The following SNX24 variants were observed in gnomAD, a reference collection of about 807,000 sequenced individuals.
The protein encoded by SNX24 is sorting nexin 24.
SNX24 carries 22 observed loss-of-function variants against 28.7 expected under a neutral mutation model. The observed-to-expected ratio is 0.77, with a 90% CI of 0.55 to 1.10. The LOEUF is 1.10. SNX24 is among the 50% of genes least tolerant of loss of function. The pLI is 0.00. For synonymous variants in SNX24, 69 were observed against 71.5 expected (o/e 0.96, Z 0.18); for missense variants, 221 against 201.1 (o/e 1.10, Z -0.60).
chr5:122,987,628 G>A (rs1293787356), intron 3 of SNX24, among the ~76,000 whole-genome samples: 1 of 152,190 alleles, frequency 6.6e-6, no homozygotes, highest in African/African-American at 2.4e-5. Flanking sequence ...GGGTTTGGAG[G>A]TGGTTCAGGG....
At chr5:123,024,029 G>T (rs775458766) in intron 5 of SNX24, 2 of 1,603,660 alleles carry the variant, frequency 1.2e-6, no homozygotes, top group Non-Finnish European at 1.7e-6. Flanking sequence ...TAGACACATG[G>T]TTTAATTCTG....
At chr5:122,929,100 A>C (rs1213502528) in intron 1 of SNX24, among the ~76,000 whole-genome samples, 1 of 152,100 alleles carries the variant, frequency 6.6e-6, no homozygotes, top group African/African-American at 2.4e-5. Flanking sequence ...TGAACCTGGC[A>C]CTTGGTAGAC....
At chr5:122,885,156 G>A (rs1398697373) in intron 1 of SNX24, among the ~76,000 whole-genome samples, 1 of 152,156 alleles carries the variant, frequency 6.6e-6, no homozygotes, top group Non-Finnish European at 1.5e-5. Flanking sequence ...AAAGGAGGCT[G>A]GGTGTGTAGG....
At chr5:123,012,797 C>T (rs1168230906), downstream of SNX24, among the ~76,000 whole-genome samples, 2 of 152,198 alleles carry the variant, frequency 1.3e-5, no homozygotes, top group Non-Finnish European at 2.9e-5. Context: ...ACTAGTCTCA[C>T]ATCCCTGGCA....
chr5:122,914,798 T>C (rs972946690), intron 1 of SNX24, among the ~76,000 whole-genome samples: 2 of 152,228 alleles, frequency 1.3e-5, no homozygotes, highest in Admixed American at 6.5e-5. Flanking sequence ...TTTTTCTTTA[T>C]TAGTCTTGCT....
At chr5:122,945,131 C>T (rs980764548) in intron 2 of SNX24, among the ~76,000 whole-genome samples, 9 of 152,122 alleles carry the variant, frequency 5.9e-5, no homozygotes, top group African/African-American at 1.7e-4. Flanking sequence ...ACCATTCTTT[C>T]CAGCTTCTAG....
At chr5:122,956,283 G>A (rs1443660754) in intron 3 of SNX24, among the ~76,000 whole-genome samples, 1 of 151,650 alleles carries the variant, frequency 6.6e-6, no homozygotes, top group Non-Finnish European at 1.5e-5. Flanking sequence ...TTGGAACACA[G>A]TCTCTGCAGG....
chr5:123,028,165 C>G (rs925300570), intron 5 of SNX24, among the ~76,000 whole-genome samples: 1 of 152,188 alleles, frequency 6.6e-6, no homozygotes, highest in Non-Finnish European at 1.5e-5. Flanking sequence ...TCCCAAGTTT[C>G]CCAAGTAGAA....
chr5:122,863,830 C>T (rs1373361266), intron 1 of SNX24, among the ~76,000 whole-genome samples: 2 of 152,218 alleles, frequency 1.3e-5, no homozygotes, highest in Admixed American at 1.3e-4. Context: ...TTTGGGATTA[C>T]AGGCATGAGG....
chr5:123,023,763 AAAAG>A lies in SNX24; in HGVS notation n.384-5470_384-5467del, dbSNP rs375067091. 2.1e-4 allele frequency: 292 copies of A among 1,415,726 alleles called. No individual in the cohort carries two copies. In the East Asian group the frequency reaches 6.3e-3, roughly 31 times the overall value. 87.7% of individuals were successfully genotyped at this position (1,415,726 alleles called of 1,614,324 possible). On this transcript the variant is annotated intron_variant and non_coding_transcript_variant, in intron 5 of 5. Coordinates refer to the SNX24 transcript ENST00000502387. The stretch of plus-strand genomic sequence containing the variant: ...TTCCTGTGATCTGGGATAGAATACA[AAAAG>A]AAAGTAAAAAAAAAAAAGCAAATAA...
chr5:122,896,077 G>T (rs967676563), intron 1 of SNX24, among the ~76,000 whole-genome samples: 1 of 152,154 alleles, frequency 6.6e-6, no homozygotes, highest in Non-Finnish European at 1.5e-5. Flanking sequence ...TGAACTGGGG[G>T]GCAGAGGTTG....
chr5:122,881,837 A>C (rs1032986188), intron 1 of SNX24, among the ~76,000 whole-genome samples: 3 of 151,512 alleles, frequency 2.0e-5, no homozygotes, highest in Non-Finnish European at 4.4e-5. Flanking sequence ...GAAAAAACAT[A>C]TAGTAAATTA....
chr5:123,007,971 A>G lies in SNX24; in HGVS notation c.*222A>G. The G allele has an allele frequency of 2.4e-6, 3 of 1,268,146 alleles. No individual in the cohort carries two copies. The highest frequency in any genetic ancestry group is 3.0e-6 in the Non-Finnish European group (3 of 1,002,616). 78.6% of individuals were successfully genotyped at this position (1,268,146 alleles called of 1,614,324 possible). A position where few individuals can be genotyped will look rare whatever the true frequency, so the allele number is the denominator to read the frequency against. On this transcript the variant is annotated 3_prime_UTR_variant, in exon 7 of 7. Transcript: ENST00000261369. The stretch of plus-strand genomic sequence containing the variant: ...GTGGTCAGGCTAAGGCCAAGTGTTT[A>G]AGAAGTAGAGTGTAGCTGCCAGCGT...
chr5:122,867,719 A>G (rs1383615384), intron 1 of SNX24, among the ~76,000 whole-genome samples: 1 of 152,198 alleles, frequency 6.6e-6, no homozygotes, highest in Non-Finnish European at 1.5e-5. Context: ...ATGATTATTA[A>G]AATCCTCCTC....
chr5:122,869,274 C>T (rs1402586784), intron 1 of SNX24, among the ~76,000 whole-genome samples: 1 of 152,182 alleles, frequency 6.6e-6, no homozygotes, highest in Admixed American at 6.5e-5. Flanking sequence ...TTTATGGAGG[C>T]TGTCCTTGGG....
intron 1 of SNX24, among the ~76,000 whole-genome samples, chr5:122,878,511 T>C (rs943633054): frequency 1.3e-5 from 2 of 152,066 alleles, no homozygotes; most frequent in African/African-American, 4.8e-5. Context: ...AGTGAGTACT[T>C]CAAGGTCAAG....
intron 3 of SNX24, among the ~76,000 whole-genome samples, chr5:122,974,427 C>T (rs568909937): frequency 3.9e-5 from 6 of 152,302 alleles, no homozygotes; most frequent in South Asian, 2.1e-4. Flanking sequence ...AGTTGTTGTA[C>T]GCTGAGGTAG....
intron 6 of SNX24, 64 bp from the exon 7 acceptor site, chr5:123,007,618 A>G: frequency 7.2e-7 from 1 of 1,381,320 alleles, no homozygotes; most frequent in Non-Finnish European, 1.0e-6. Flanking sequence ...ATGCAATTAT[A>G]TTTTGTTTCA....
rs538466679 is a variant in SNX24, at chr5:122,995,087, A to G, written c.250-4825A>G. Among the ~76,000 whole-genome samples the G allele has an allele frequency of 2.6e-5, 4 of 152,324 alleles. No homozygotes were observed. In the South Asian group the frequency reaches 6.2e-4, roughly 24 times the overall value. On this transcript the variant is annotated intron_variant, in intron 3 of 6. Transcript: ENST00000261369. ...TTTAGTGCATTTCTCTGTTAATTCTATACCATCTCCAATCTGCAAGTCAAT... is the reference window on the plus strand; with the variant it reads ...TTTAGTGCATTTCTCTGTTAATTCTGTACCATCTCCAATCTGCAAGTCAAT...
Sources: allele counts gnomAD v4.1 joint callset (sites outside exome capture counted in the v4.1 genomes callset), GRCh38; gene constraint gnomAD v4.1.1; transcripts MANE v1.5; gene names NCBI Gene and HGNC (gene_info 2026-07-23, HGNC 2026-07-21).